Variants in QTMAN observed in about 807,000 individuals in gnomAD.
QTMAN encodes tRNA-queuosine alpha-mannosyltransferase.
At chr2:144,214,269 ATTC>A in the QTMAN span, among the ~76,000 whole-genome samples, 1 of 152,192 alleles carries the variant, frequency 6.6e-6, no homozygotes, top group African/African-American at 2.4e-5. Context: ...ATTTTTTTAA[ATTC>A]TTCTATAAAA....
At chr2:143,960,760 A>G in the QTMAN span, among the ~76,000 whole-genome samples, 5 of 152,170 alleles carry the variant, frequency 3.3e-5, no homozygotes, top group African/African-American at 1.2e-4. Context: ...TTTTCAATAT[A>G]CCTTTTTAAC....
At chr2:144,234,529 T>G in the QTMAN span, among the ~76,000 whole-genome samples, 1 of 152,154 alleles carries the variant, frequency 6.6e-6, no homozygotes, top group Non-Finnish European at 1.5e-5. Context: ...CTAGAAGCAG[T>G]ATGCTTCTCC....
the QTMAN span, among the ~76,000 whole-genome samples, chr2:144,071,475 G>C: frequency 6.6e-6 from 1 of 152,114 alleles, no homozygotes; most frequent in Non-Finnish European, 1.5e-5. Context: ...TTTCAGAAAA[G>C]GCTAAAGTTA....
the QTMAN span, among the ~76,000 whole-genome samples, chr2:144,312,074 T>C: frequency 1.3e-5 from 2 of 152,236 alleles, no homozygotes; most frequent in African/African-American, 2.4e-5. Context: ...AATTCCATTA[T>C]TTCTCAGTCA....
chr2:143,963,177 A>AT, the QTMAN span, among the ~76,000 whole-genome samples: 1 of 152,056 alleles, frequency 6.6e-6, no homozygotes, highest in East Asian at 1.9e-4. Flanking sequence ...TATTAAGGGG[A>AT]TTGTTGTCAT....
chr2:144,109,977 G>A, the QTMAN span, among the ~76,000 whole-genome samples: 1 of 152,226 alleles, frequency 6.6e-6, no homozygotes, highest in African/African-American at 2.4e-5. Flanking sequence ...GTGGAAGACA[G>A]TGTGGCGATT....
At chr2:144,303,816 T>C in the QTMAN span, among the ~76,000 whole-genome samples, 1 of 152,126 alleles carries the variant, frequency 6.6e-6, no homozygotes, top group African/African-American at 2.4e-5. Context: ...CTATGATCCC[T>C]AAAAGAAAGG....
chr2:144,229,743 T>G, the QTMAN span, among the ~76,000 whole-genome samples: 1 of 152,172 alleles, frequency 6.6e-6, no homozygotes, highest in African/African-American at 2.4e-5. Context: ...TGGGTATAGG[T>G]AATTCCTCAC....
At chr2:144,299,250 C>T in the QTMAN span, among the ~76,000 whole-genome samples, 1 of 152,166 alleles carries the variant, frequency 6.6e-6, no homozygotes, top group Non-Finnish European at 1.5e-5. Flanking sequence ...ACTCTGATGA[C>T]CTGCAGAAAA....
chr2:144,297,528 C>T, the QTMAN span, among the ~76,000 whole-genome samples: 2 of 147,970 alleles, frequency 1.4e-5, no homozygotes, highest in African/African-American at 4.9e-5. Context: ...CTTGGCTGGG[C>T]GTGGTGTCTC....
the QTMAN span, among the ~76,000 whole-genome samples, chr2:144,150,822 C>T: frequency 6.6e-6 from 1 of 152,152 alleles, no homozygotes; most frequent in Non-Finnish European, 1.5e-5. Flanking sequence ...AAGTGAATAT[C>T]ACCCATAACT....
chr2:143,952,808 C>G, the QTMAN span: 7 of 1,609,402 alleles, frequency 4.3e-6, no homozygotes, highest in Non-Finnish European at 6.0e-6. Flanking sequence ...ATCTTTAGGA[C>G]AAAGTGGGTA....
the QTMAN span, among the ~76,000 whole-genome samples, chr2:144,160,240 A>C: frequency 6.6e-6 from 1 of 152,142 alleles, no homozygotes; most frequent in Admixed American, 6.6e-5. Context: ...GAGTGACTGA[A>C]CACTATTTAG....
At chr2:144,136,245 G>C in the QTMAN span, among the ~76,000 whole-genome samples, 1 of 151,586 alleles carries the variant, frequency 6.6e-6, no homozygotes, top group Non-Finnish European at 1.5e-5. Context: ...AGAGTCACTT[G>C]AGCCCAGGAG....
chr2:144,233,827 T>C, the QTMAN span, among the ~76,000 whole-genome samples: 1 of 152,160 alleles, frequency 6.6e-6, no homozygotes, highest in Admixed American at 6.6e-5. Context: ...TCAAGTACAA[T>C]ACTGTCAACA....
At chr2:144,000,969 T>C in the QTMAN span, among the ~76,000 whole-genome samples, 1 of 152,000 alleles carries the variant, frequency 6.6e-6, no homozygotes, top group African/African-American at 2.4e-5. Context: ...CACCATCCTC[T>C]GTCCTTCCCA....
chr2:143,940,784 A>G, the QTMAN span: 1 of 152,302 alleles, frequency 6.6e-6, no homozygotes, highest in African/African-American at 2.4e-5. Flanking sequence ...GGTCAGCTTT[A>G]TACACACATG....
At chr2:144,004,356 C>T in the QTMAN span, among the ~76,000 whole-genome samples, 20 of 151,962 alleles carry the variant, frequency 1.3e-4, no homozygotes, top group Admixed American at 2.6e-4. Flanking sequence ...TCCACCCATA[C>T]GATCAGGGGT....
At chr2:144,265,128 G>A in the QTMAN span, among the ~76,000 whole-genome samples, 1 of 152,152 alleles carries the variant, frequency 6.6e-6, no homozygotes, top group Admixed American at 6.5e-5. Flanking sequence ...AGATATCCAT[G>A]TATCAGTTTC....
Sources: allele counts gnomAD v4.1 joint callset (sites outside exome capture counted in the v4.1 genomes callset), GRCh38; gene constraint gnomAD v4.1.1; transcripts MANE v1.5; gene names NCBI Gene and HGNC (gene_info 2026-07-23, HGNC 2026-07-21).